Variants in ALG1 observed in about 807,000 individuals in gnomAD.
ALG1 encodes ALG1 chitobiosyldiphosphodolichol beta-mannosyltransferase.
Under a neutral mutation model 55.1 loss-of-function variants are expected in ALG1, and 58 were observed. That is an observed-to-expected ratio of 1.05 (90% CI 0.85 to 1.31). ALG1 has a LOEUF of 1.31. Among genes scored for constraint, ALG1 ranks in the 50% most tolerant of loss-of-function variants. The pLI is 0.00. For missense variants in ALG1, 761 were observed against 598.6 expected, an observed-to-expected ratio of 1.27 and a Z score of -2.83; for synonymous variants, 309 against 247.0, an observed-to-expected ratio of 1.25 and a Z score of -2.35.
rs545347166 is a variant in ALG1, at chr16:5,072,053, C to T, written c.204C>T (p.Phe68=). Residue 68 remains phenylalanine, a synonymous_variant, in exon 1 of 13, where the codon TTC becomes TTT. Transcript: ENST00000262374. ...MHGFSVTLLG[F]CNSKPHDELL... Reference sequence around the variant, plus strand: ...GCTTCTCGGTGACCCTCCTGGGGTTCTGCAGTGAGTGGCCAAGGGTCTGGG... The same window carrying T: ...GCTTCTCGGTGACCCTCCTGGGGTTTTGCAGTGAGTGGCCAAGGGTCTGGG... 23 of 1,569,860 alleles carry T rather than the reference C, an allele frequency of 1.5e-5. No individual in the cohort carries two copies. Among genetic ancestry groups the T allele is most frequent in the Middle Eastern group, 1.7e-4 (1 of 6,042 alleles).
intron 1 of ALG1, among the ~76,000 whole-genome samples, chr16:5,072,677 A>G (rs375740314): frequency 2.0e-5 from 3 of 152,118 alleles, no homozygotes; most frequent in Admixed American, 1.3e-4. Context: ...TCCACTATCC[A>G]GACAATCTAG....
intron 11 of ALG1, among the ~76,000 whole-genome samples, chr16:5,083,258 G>A (rs1028417174): frequency 6.6e-6 from 1 of 152,158 alleles, no homozygotes; most frequent in South Asian, 2.1e-4. Context: ...GGGATTTAGG[G>A]ATGTGAGCCC....
At chr16:5,072,424 CA>C in intron 1 of ALG1, 1 of 469,864 alleles carries the variant, frequency 2.1e-6, no homozygotes, top group Non-Finnish European at 3.7e-6. Context: ...TCCCTCAACG[CA>C]GAGCTCTGCA....
intron 4 of ALG1, among the ~76,000 whole-genome samples, chr16:5,076,195 C>T (rs1229334186): frequency 1.3e-5 from 2 of 152,348 alleles, no homozygotes; most frequent in South Asian, 2.1e-4. Flanking sequence ...TCTGCACGGC[C>T]AGCCTTCAGG....
rs750228219 is a variant in ALG1 at position 5,084,740 on chromosome 16, T to G, written c.1264-10T>G. The G allele has an allele frequency of 3.8e-6, 6 of 1,595,772 alleles. No homozygotes were observed. Among genetic ancestry groups the G allele is most frequent in the Non-Finnish European group, 5.1e-6 (6 of 1,179,414 alleles). ...CAATGAGGTAAGCTCTGCTCTTTAT[T>G]TTTTTGCAGATGCTTTTCTCAAACT... On this transcript the variant is annotated splice_polypyrimidine_tract_variant and intron_variant, in intron 12 of 12. Coordinates refer to ENST00000262374, the MANE Select transcript of ALG1 (RefSeq NM_019109.5).
At chr16:5,075,281 C>A (rs1390981222) in intron 3 of ALG1, 107 bp from the exon 4 acceptor site, 9 of 1,205,082 alleles carry the variant, frequency 7.5e-6, no homozygotes, top group Non-Finnish European at 1.1e-5. Flanking sequence ...ATCAAGAGCT[C>A]TGTAAAGATA....
chr16:5,083,848 G>A, intron 12 of ALG1, 91 bp downstream of exon 12: 1 of 1,574,386 alleles, frequency 6.4e-7, no homozygotes, highest in Non-Finnish European at 8.6e-7. Flanking sequence ...CACAGCCAGG[G>A]TGGGACCATG....
chr16:5,085,015 T>A lies in ALG1; in HGVS notation c.*134T>A, dbSNP rs1382954002. 3 of 1,502,736 alleles carry A rather than the reference T, an allele frequency of 2.0e-6. No individual in the cohort carries two copies. Among genetic ancestry groups the A allele is most frequent in the Non-Finnish European group, 2.7e-6 (3 of 1,101,838 alleles). The allele number at this position is 1,502,736 out of a possible 1,614,324, so 93.1% of individuals were successfully genotyped here. A position where few individuals can be genotyped will look rare whatever the true frequency, so the allele number is the denominator to read the frequency against. ...CTGAAATGACAGCAGTGGTACTGCC[T>A]GGTAAAAGAATTGGTTCTGTGACCC... is the stretch of plus-strand genomic sequence containing the variant. On this transcript the variant is annotated 3_prime_UTR_variant, in exon 13 of 13. Coordinates refer to ENST00000262374, the MANE Select transcript of ALG1 (RefSeq NM_019109.5).
At position 5,085,759 on chromosome 16, in the gene ALG1, G is replaced by A. The variant is rs756661216; in HGVS notation, c.*878G>A. On this transcript the variant is annotated 3_prime_UTR_variant, in exon 13 of 13. Transcript: ENST00000262374. ...TGGAAACAGAGCACATGTGTTTGAG[G>A]ATGGCGGTGTTTGGGGACAGGACAT... 28 of 1,563,486 alleles carry A rather than the reference G, an allele frequency of 1.8e-5. No individual in the cohort carries two copies. The highest frequency in any genetic ancestry group is 4.1e-5 in the African/African-American group (3 of 73,832).
intron 4 of ALG1, among the ~76,000 whole-genome samples, chr16:5,076,065 G>A (rs1956907283): frequency 6.6e-6 from 1 of 152,206 alleles, no homozygotes; most frequent in South Asian, 2.1e-4. Context: ...GGAGAAGTGG[G>A]CCACAGTTGC....
At chr16:5,072,124 C>A in intron 1 of ALG1, 67 bp downstream of exon 1, 1 of 1,549,274 alleles carries the variant, frequency 6.5e-7, no homozygotes, top group Non-Finnish European at 8.7e-7. Flanking sequence ...CTAACCGCCC[C>A]GGGGAGTCGA....
At position 5,074,238 on chromosome 16, in the gene ALG1, C is replaced by T. The variant is rs182574373; in HGVS notation, c.390+982C>T. 2.9e-3 allele frequency among the ~76,000 whole-genome samples: 439 copies of T among 151,974 alleles called. 1 individual carries two copies. The highest frequency in any genetic ancestry group is 9.8e-3 in the African/African-American group (408 of 41,436). On this transcript the variant is annotated intron_variant, in intron 3 of 12. Coordinates refer to ENST00000262374, the MANE Select transcript of ALG1 (RefSeq NM_019109.5). ...TTGGCTCACTGCACCTTCTACCTCC[C>T]GTGTTCAAGTGATTTTCCTGCCTCA... is the stretch of plus-strand genomic sequence containing the variant.
intron 10 of ALG1, among the ~76,000 whole-genome samples, chr16:5,082,070 G>A (rs1957025741): frequency 1.3e-5 from 2 of 151,988 alleles, no homozygotes; most frequent in Non-Finnish European, 2.9e-5. Context: ...AGCCTCCCGA[G>A]TAGCTGTGAC....
intron 6 of ALG1, 60 bp from the exon 7 acceptor site, chr16:5,078,697 C>G: frequency 1.2e-6 from 2 of 1,611,708 alleles, no homozygotes; most frequent in East Asian, 2.2e-5. Context: ...CAGGAGATGC[C>G]TCTCCTGGGT....
chr16:5,077,384 A>G, intron 4 of ALG1, 61 bp from the exon 5 acceptor site: 1 of 1,412,064 alleles, frequency 7.1e-7, no homozygotes, highest in Non-Finnish European at 1.0e-6. Flanking sequence ...ATGTCGAGTC[A>G]CGCTGTGGTG....
chr16:5,085,276 G>A lies in ALG1; in HGVS notation c.*395G>A. 1 of 492,664 alleles carries A rather than the reference G, an allele frequency of 2.0e-6. No individual in the cohort carries two copies. The highest frequency in any genetic ancestry group is 2.1e-5 in the South Asian group (1 of 46,768). 30.5% of individuals were successfully genotyped at this position (492,664 alleles called of 1,614,324 possible). On this transcript the variant is annotated 3_prime_UTR_variant, in exon 13 of 13. Coordinates refer to ENST00000262374, the MANE Select transcript of ALG1 (RefSeq NM_019109.5). ...CCTGCTGCACCGTAAGCCCAGGGAT[G>A]TGGCAGCTGCAGTGGGCTTGGCTTT...
In ALG1 at chr16:5,077,540, A is replaced by G. The variant is rs1281401515; in HGVS notation, c.629+6A>G. ...GCGGATAACTGGCACATCAGGTACCATGGCCTGGGATGACGGCGGCCTGGG... is the reference window on the plus strand; with the variant it reads ...GCGGATAACTGGCACATCAGGTACCGTGGCCTGGGATGACGGCGGCCTGGG... On this transcript the variant is annotated splice_donor_region_variant and intron_variant, in intron 5 of 12. Coordinates refer to ENST00000262374, the MANE Select transcript of ALG1 (RefSeq NM_019109.5). 4 of 1,613,978 alleles carry G rather than the reference A, an allele frequency of 2.5e-6. No individual in the cohort carries two copies. Among genetic ancestry groups the G allele is most frequent in the Admixed American group, 1.7e-5 (1 of 60,020 alleles).
rs1303162479 is a variant in ALG1, at chr16:5,086,451, TC to T, written c.*1571del. 1.3e-5 allele frequency: 2 copies of T among 152,082 alleles called. No individual in the cohort carries two copies. The highest frequency in any genetic ancestry group is 2.9e-5 in the Non-Finnish European group (2 of 68,076). 9.4% of individuals were successfully genotyped at this position (152,082 alleles called of 1,614,324 possible). ...CTGAAGAGCCGTTAGCCAGAATGAT[TC>T]TTTTTTTTTGTTTTGAGATATGATC... On this transcript the variant is annotated 3_prime_UTR_variant, in exon 13 of 13. Coordinates refer to ENST00000262374, the MANE Select transcript of ALG1 (RefSeq NM_019109.5).
At position 5,079,061 on chromosome 16, in the gene ALG1, T is replaced by C. The variant is rs1208866677; in HGVS notation, c.863-3T>C. 6.2e-6 allele frequency: 10 copies of C among 1,601,014 alleles called. No individual in the cohort carries two copies. The highest frequency in any genetic ancestry group is 1.7e-5 in the Admixed American group (1 of 59,982). ...CCCCTGACATTCAATTCTCTTCTCA[T>C]AGAGGACGAAGACTTCTCCATCCTG... On this transcript the variant is annotated splice_region_variant and splice_polypyrimidine_tract_variant and intron_variant, in intron 7 of 12. Transcript: ENST00000262374.
Sources: allele counts gnomAD v4.1 joint callset (sites outside exome capture counted in the v4.1 genomes callset), GRCh38; gene constraint gnomAD v4.1.1; transcripts MANE v1.5; gene names NCBI Gene and HGNC (gene_info 2026-07-23, HGNC 2026-07-21).